The following IPO8 variants were observed in gnomAD, a reference collection of about 807,000 sequenced individuals.
IPO8 encodes importin 8, also known as importin-8.
A neutral mutation model predicts 141.2 loss-of-function variants in IPO8; 65 were observed. The observed-to-expected ratio is 0.46, with a 90% confidence interval of 0.38 to 0.57. The LOEUF (loss-of-function observed/expected upper bound fraction) is 0.57. IPO8 is among the 20% of genes least tolerant of loss of function. IPO8 has a pLI of 0.00. For synonymous variants in IPO8, 411 were observed against 420.3 expected, an observed-to-expected ratio of 0.98 and a Z score of 0.27; for missense variants, 980 against 1,246.8, an observed-to-expected ratio of 0.79 and a Z score of 3.22.
rs765146090 is a variant in IPO8 at position 30,695,083 on chromosome 12, GT to G, written c.84+480del. 1 of 453,760 alleles carries G rather than the reference GT, an allele frequency of 2.2e-6. No individual in the cohort carries two copies. The highest frequency in any genetic ancestry group is 4.4e-6 in the Non-Finnish European group (1 of 226,488). The allele number at this position is 453,760 out of a possible 1,614,324, so 28.1% of individuals were successfully genotyped here. A position where few individuals can be genotyped will look rare whatever the true frequency, so the allele number is the denominator to read the frequency against. On this transcript the variant is annotated intron_variant, in intron 1 of 24. Transcript: ENST00000256079. This position sits in a 1 kb window ranked among gnomAD's most constrained non-coding sequence, Gnocchi z 4.2. ...GCGCTCCGCAAAACTCGGCCAATCGGTGTCAAAACAGTCCTGCCAACCCGAC... is the reference window on the plus strand; with the variant it reads ...GCGCTCCGCAAAACTCGGCCAATCGGGTCAAAACAGTCCTGCCAACCCGAC...
chr12:30,646,635 A>G lies in IPO8; in HGVS notation c.2268+2502T>C, dbSNP rs146248065. Among the ~76,000 whole-genome samples, 1,451 of 152,054 alleles carry G rather than the reference A, an allele frequency of 9.5e-3. 17 individuals are homozygous for G. The highest frequency in any genetic ancestry group is 0.033 in the African/African-American group (1,379 of 41,512). ...TTAAAACTAATAAATCAGTTCAGCAAGGTTGCAGGATACAAGATAAACATG... is the reference window on the plus strand; with the variant it reads ...TTAAAACTAATAAATCAGTTCAGCAGGGTTGCAGGATACAAGATAAACATG... On this transcript the variant is annotated intron_variant, in intron 20 of 24. Transcript: ENST00000256079.
At chr12:30,676,743 T>C (rs1276312521) in intron 5 of IPO8, among the ~76,000 whole-genome samples, 156 bp from the exon 6 acceptor site, 2 of 152,220 alleles carry the variant, frequency 1.3e-5, no homozygotes, top group Non-Finnish European at 2.9e-5. Flanking sequence ...AACAGATTCA[T>C]ACGACCATAT....
At chr12:30,663,222 G>C (rs2052913531) in intron 14 of IPO8, among the ~76,000 whole-genome samples, 1 of 152,130 alleles carries the variant, frequency 6.6e-6, no homozygotes, top group Admixed American at 6.5e-5. Context: ...CAAGTTAGGA[G>C]CAAAATCAAA....
At chr12:30,666,783 A>G (rs928778817) in intron 10 of IPO8, among the ~76,000 whole-genome samples, 20 of 152,190 alleles carry the variant, frequency 1.3e-4, no homozygotes, top group African/African-American at 4.8e-4. Context: ...AAGCCTCTCC[A>G]ACTCTGTTAA....
At chr12:30,660,474 AC>A (rs1565500540) in intron 16 of IPO8, among the ~76,000 whole-genome samples, 1 of 152,192 alleles carries the variant, frequency 6.6e-6, no homozygotes, top group Admixed American at 6.5e-5. Context: ...TAGCTCTGGG[AC>A]CATGAGCAAG....
intron 16 of IPO8, among the ~76,000 whole-genome samples, chr12:30,660,687 T>C (rs562890183): frequency 2.6e-5 from 4 of 152,304 alleles, no homozygotes; most frequent in African/African-American, 9.6e-5. Context: ...CTTTCATTTA[T>C]TCCTTTCCAT....
rs368959605 is a variant in IPO8, at chr12:30,674,017, C to G, written c.882G>C (p.Leu294Phe). 3.6e-5 allele frequency: 58 copies of G among 1,590,574 alleles called. No individual in the cohort carries two copies. The highest frequency in any genetic ancestry group is 5.0e-5 in the Non-Finnish European group (58 of 1,163,058). ...GCTGAATGCCCACTGCATAGGTTTT[C>G]AAAAAGAATTCAGAAAATTCAAAGT... Reference protein sequence around the residue: ...KEYFEFSEFFLKTYAVGIQQV... With the variant: ...KEYFEFSEFFFKTYAVGIQQV... The change falls in exon 8 of 25, where the codon TTG (leucine) becomes TTC (phenylalanine). Residue 294 changes from leucine to phenylalanine, a missense_variant. Physicochemically the swap from Leu to Phe is conservative, Grantham distance 22. Around this residue, in one of 3 missense-constraint regions of IPO8, gnomAD observed 924 missense variants for 1,153.9 expected, o/e 0.80. Coordinates refer to ENST00000256079, the MANE Select transcript of IPO8 (RefSeq NM_006390.4).
At chr12:30,642,242 A>G (rs2052584723) in intron 20 of IPO8, among the ~76,000 whole-genome samples, 1 of 152,142 alleles carries the variant, frequency 6.6e-6, no homozygotes, top group East Asian at 1.9e-4. Context: ...TTAGAGTATT[A>G]GAGACATAAA....
chr12:30,654,021 C>T (rs544745087), intron 17 of IPO8, among the ~76,000 whole-genome samples: 2 of 152,010 alleles, frequency 1.3e-5, no homozygotes, highest in South Asian at 4.1e-4. Flanking sequence ...ACCAATGGAA[C>T]CGATTACAAA....
chr12:30,666,136 C>T, intron 11 of IPO8, 39 bp downstream of exon 11: 1 of 1,265,146 alleles, frequency 7.9e-7, no homozygotes, highest in Non-Finnish European at 1.1e-6. Context: ...CAACACAGGC[C>T]ACCTTTCAGT....
intron 14 of IPO8, among the ~76,000 whole-genome samples, chr12:30,662,783 C>T (rs1384051980): frequency 1.3e-5 from 2 of 152,074 alleles, no homozygotes; most frequent in Non-Finnish European, 2.9e-5. Context: ...TACACTTGGT[C>T]ATCAGAATGA....
Position 30,676,461 on chromosome 12 carries a change from G to A in IPO8, c.729+37C>T, listed in dbSNP as rs373767465. ...AGTCTACCGCAAACATTCCAAACCCGTTTCCCCTATTTTTCTTGGGAAAAG... is the reference window on the plus strand; with the variant it reads ...AGTCTACCGCAAACATTCCAAACCCATTTCCCCTATTTTTCTTGGGAAAAG... On this transcript the variant is annotated intron_variant, in intron 6 of 24. Coordinates refer to ENST00000256079, the MANE Select transcript of IPO8 (RefSeq NM_006390.4). 1.8e-4 allele frequency: 258 copies of A among 1,451,852 alleles called. 1 individual carries two copies. The highest frequency in any genetic ancestry group is 1.0e-3 in the Middle Eastern group (6 of 5,748). 89.9% of individuals were successfully genotyped at this position (1,451,852 alleles called of 1,614,324 possible). A position where few individuals can be genotyped will look rare whatever the true frequency, so the allele number is the denominator to read the frequency against.
At chr12:30,672,475 G>A (rs998467801) in intron 8 of IPO8, among the ~76,000 whole-genome samples, 14 of 152,164 alleles carry the variant, frequency 9.2e-5, no homozygotes, top group African/African-American at 3.1e-4. Flanking sequence ...GGGGAGAGAA[G>A]AGTCCCTGAT....
intron 20 of IPO8, among the ~76,000 whole-genome samples, chr12:30,645,930 C>T (rs1278357043): frequency 6.6e-6 from 1 of 151,416 alleles, no homozygotes; most frequent in African/African-American, 2.4e-5. Flanking sequence ...CTAAATTCTA[C>T]CAAACATTTA....
intron 18 of IPO8, among the ~76,000 whole-genome samples, chr12:30,652,598 C>T (rs989252156): frequency 1.3e-5 from 2 of 152,092 alleles, no homozygotes; most frequent in African/African-American, 4.8e-5. Context: ...CCCTACCCTC[C>T]CATCATCCCC....
intron 18 of IPO8, among the ~76,000 whole-genome samples, chr12:30,652,740 T>A (rs775469964): frequency 1.4e-4 from 21 of 152,102 alleles, no homozygotes; most frequent in Non-Finnish European, 2.2e-4. Flanking sequence ...GGATATATGC[T>A]CTGGTCATAA....
At chr12:30,691,673 C>T (rs1366049332) in intron 1 of IPO8, among the ~76,000 whole-genome samples, 2 of 152,202 alleles carry the variant, frequency 1.3e-5, no homozygotes, top group Non-Finnish European at 2.9e-5. Context: ...CAGCTCACCC[C>T]TCTCCTCAGA....
intron 21 of IPO8, among the ~76,000 whole-genome samples, chr12:30,639,035 G>A (rs2052542200): frequency 6.6e-6 from 1 of 152,064 alleles, no homozygotes; most frequent in Non-Finnish European, 1.5e-5. Context: ...TCCTACTGGG[G>A]CAGCACCTGG....
At chr12:30,671,629 G>A (rs1435701168) in intron 8 of IPO8, among the ~76,000 whole-genome samples, 2 of 141,860 alleles carry the variant, frequency 1.4e-5, no homozygotes, top group African/African-American at 5.4e-5. Flanking sequence ...AGCCGAGATC[G>A]CGCCACTGCA....
Sources: allele counts gnomAD v4.1 joint callset (sites outside exome capture counted in the v4.1 genomes callset), GRCh38; gene constraint gnomAD v4.1.1; regional missense constraint gnomAD v4.1.1; non-coding constraint Gnocchi (gnomAD v3.1); transcripts MANE v1.5; gene names NCBI Gene and HGNC (gene_info 2026-07-23, HGNC 2026-07-21).